Variants in AGO3 observed in about 807,000 individuals in gnomAD.
The protein encoded by AGO3 is argonaute RISC catalytic component 3.
A neutral mutation model predicts 105.5 loss-of-function variants in AGO3; 16 were observed. The observed-to-expected ratio is 0.15, with a 90% CI of 0.10 to 0.23. The LOEUF (loss-of-function observed/expected upper bound fraction) is 0.23. Among genes scored for constraint, AGO3 ranks in the 10% least tolerant of loss-of-function variants. The pLI is 1.00. For missense variants in AGO3, 534 were observed against 1,088.0 expected, an observed-to-expected ratio of 0.49 and a Z score of 7.16; for synonymous variants, 340 against 367.3, an observed-to-expected ratio of 0.93 and a Z score of 0.85.
chr1:36,038,544 C>T (rs969769374), intron 14 of AGO3, among the ~76,000 whole-genome samples: 4 of 152,056 alleles, frequency 2.6e-5, no homozygotes, highest in South Asian at 4.1e-4. Flanking sequence ...CGTGAGCTAC[C>T]GTGCCCGGCC....
intron 2 of AGO3, 113 bp downstream of exon 2, chr1:35,945,976 C>T (rs562147491): frequency 1.8e-6 from 2 of 1,094,500 alleles, no homozygotes; most frequent in East Asian, 2.7e-5. Flanking sequence ...TGACCAAAAA[C>T]ATCTGGTAAT....
chr1:35,937,940 T>C (rs2148741459), intron 1 of AGO3, among the ~76,000 whole-genome samples: 1 of 151,970 alleles, frequency 6.6e-6, no homozygotes, highest in East Asian at 1.9e-4. Flanking sequence ...GATTTTGAGA[T>C]CAACACAATA....
At chr1:35,970,812 C>T (rs1646853666) in intron 3 of AGO3, among the ~76,000 whole-genome samples, 1 of 151,684 alleles carries the variant, frequency 6.6e-6, no homozygotes, top group Admixed American at 6.6e-5. Context: ...TCACTGCAGC[C>T]TCAACCTCTC....
intron 2 of AGO3, among the ~76,000 whole-genome samples, chr1:35,960,700 A>C (rs902804100): frequency 6.6e-6 from 1 of 152,082 alleles, no homozygotes; most frequent in Non-Finnish European, 1.5e-5. Flanking sequence ...AGGTTAAAAA[A>C]TAATATAACT....
At position 35,993,526 on chromosome 1, in the gene AGO3, C is replaced by T. The variant is rs919756051; in HGVS notation, c.659-10815C>T. Among the ~76,000 whole-genome samples, 20 of 151,832 alleles carry T rather than the reference C, an allele frequency of 1.3e-4. 1 individual carries two copies. In the East Asian group the frequency reaches 1.9e-3, roughly 15 times the overall value. On this transcript the variant is annotated intron_variant, in intron 5 of 18. Coordinates refer to ENST00000373191, the MANE Select transcript of AGO3 (RefSeq NM_024852.4). ...TTAATTTGATAGGTGAAACAAATTC[C>T]TTGACAAGCCACACCTTTACCAAAA...
intron 1 of AGO3, among the ~76,000 whole-genome samples, chr1:35,943,695 C>T (rs570853292): frequency 7.3e-5 from 11 of 151,370 alleles, no homozygotes; most frequent in South Asian, 6.3e-4. Context: ...CCTCCACCTC[C>T]GGGGCTCAAG....
chr1:35,988,572 C>T (rs1162745851), intron 5 of AGO3, among the ~76,000 whole-genome samples: 1 of 151,690 alleles, frequency 6.6e-6, no homozygotes, highest in African/African-American at 2.4e-5. Flanking sequence ...AACATAATAT[C>T]CTCCAGGTTC....
intron 5 of AGO3, among the ~76,000 whole-genome samples, chr1:35,986,349 A>G (rs1166290341): frequency 1.3e-5 from 2 of 152,254 alleles, no homozygotes; most frequent in Admixed American, 1.3e-4. Context: ...ACTACATAAC[A>G]GTTAAATAAA....
chr1:36,031,909 G>GT (rs200436611), intron 12 of AGO3, among the ~76,000 whole-genome samples: 2,256 of 150,984 alleles, frequency 0.015, 50 homozygotes, highest in African/African-American at 0.052. Context: ...GGGGGGCGGG[G>GT]GGTGTGTGTG....
At chr1:35,952,028 T>A (rs1228044863) in intron 2 of AGO3, among the ~76,000 whole-genome samples, 1 of 152,096 alleles carries the variant, frequency 6.6e-6, no homozygotes, top group African/African-American at 2.4e-5. Flanking sequence ...TCATTAGCAG[T>A]CACTGCCCAT....
At chr1:36,006,730 AGT>A (rs1640352712) in intron 6 of AGO3, among the ~76,000 whole-genome samples, 1 of 152,220 alleles carries the variant, frequency 6.6e-6, no homozygotes, top group Non-Finnish European at 1.5e-5. Context: ...TTATAAAGGT[AGT>A]TGTAATGAAA....
intron 9 of AGO3, among the ~76,000 whole-genome samples, chr1:36,012,216 C>A (rs1298851683): frequency 6.6e-6 from 1 of 151,626 alleles, no homozygotes; most frequent in Admixed American, 6.6e-5. Context: ...CACCTATAGT[C>A]CCAGCTACTC....
intron 1 of AGO3, among the ~76,000 whole-genome samples, chr1:35,939,479 G>A (rs892647377): frequency 1.3e-5 from 2 of 152,182 alleles, no homozygotes; most frequent in African/African-American, 4.8e-5. Context: ...ATAGGTTTGA[G>A]TGCAAATGTT....
intron 11 of AGO3, among the ~76,000 whole-genome samples, chr1:36,016,747 G>C (rs1640922557): frequency 6.6e-6 from 1 of 152,150 alleles, no homozygotes; most frequent in Non-Finnish European, 1.5e-5. Flanking sequence ...TAAGAGTAGA[G>C]GGGACCTCCT....
At chr1:36,017,820 T>A (rs1640983827) in intron 11 of AGO3, among the ~76,000 whole-genome samples, 1 of 151,938 alleles carries the variant, frequency 6.6e-6, no homozygotes, top group Non-Finnish European at 1.5e-5. Flanking sequence ...GGAGGATTGC[T>A]TGAGCCCAGG....
chr1:35,965,092 G>A (rs1000806918), intron 2 of AGO3, among the ~76,000 whole-genome samples: 3 of 151,174 alleles, frequency 2.0e-5, no homozygotes, highest in African/African-American at 4.9e-5. Flanking sequence ...GGGTTTCCCA[G>A]AATTCGTAAG....
At chr1:35,985,965 A>G (rs1230759507) in intron 5 of AGO3, among the ~76,000 whole-genome samples, 1 of 152,242 alleles carries the variant, frequency 6.6e-6, no homozygotes, top group South Asian at 2.1e-4. Flanking sequence ...AATAATCAAG[A>G]ACTTGCAAGT....
At chr1:35,971,609 G>T (rs1646872690) in intron 3 of AGO3, among the ~76,000 whole-genome samples, 1 of 151,616 alleles carries the variant, frequency 6.6e-6, no homozygotes. Context: ...TTTGTTTCTG[G>T]TTCATGCTTC....
intron 5 of AGO3, among the ~76,000 whole-genome samples, chr1:35,975,500 T>G (rs907675523): frequency 1.3e-5 from 2 of 152,214 alleles, no homozygotes; most frequent in African/African-American, 4.8e-5. Flanking sequence ...ATATTTTACC[T>G]AGGTTGCTAT....
Sources: allele counts gnomAD v4.1 joint callset (sites outside exome capture counted in the v4.1 genomes callset), GRCh38; gene constraint gnomAD v4.1.1; transcripts MANE v1.5; gene names NCBI Gene and HGNC (gene_info 2026-07-23, HGNC 2026-07-21).